NPAS3: variants seen among roughly 807,000 people sequenced by gnomAD.
NPAS3 encodes neuronal PAS domain protein 3, also known as neuronal PAS domain-containing protein 3.
NPAS3 carries 14 observed loss-of-function variants against 73.1 expected under a neutral mutation model. The ratio of observed to expected loss-of-function variants is 0.19; its 90% CI spans 0.13 to 0.30. The LOEUF (loss-of-function observed/expected upper bound fraction) is 0.30. NPAS3 is among the 10% of genes least tolerant of loss of function. The pLI, the probability that NPAS3 is intolerant of heterozygous loss-of-function variation, is 1.00. For missense variants in NPAS3, 1,096 were observed against 1,250.0 expected (o/e 0.88, Z 1.86); for synonymous variants, 620 against 541.5 (o/e 1.14, Z -2.01).
chr14:33,634,603 G>C (rs114865648), intron 5 of NPAS3, among the ~76,000 whole-genome samples: 1,908 of 152,222 alleles, frequency 0.013, 43 homozygotes, highest in African/African-American at 0.043. Context: ...AATTATGAAG[G>C]CAGCAATTCC....
At chr14:33,736,992 C>T (rs1011250244) in intron 7 of NPAS3, among the ~76,000 whole-genome samples, 3 of 152,220 alleles carry the variant, frequency 2.0e-5, no homozygotes, top group African/African-American at 7.2e-5. Flanking sequence ...TGTGTTAGCC[C>T]TTACAACATT....
intron 5 of NPAS3, among the ~76,000 whole-genome samples, chr14:33,600,136 C>T (rs747840302): frequency 2.1e-4 from 32 of 152,208 alleles, no homozygotes; most frequent in Admixed American, 5.2e-4. Flanking sequence ...ATTAAAAGCT[C>T]GATTCTGAAT....
chr14:33,243,700 C>T (rs938716046), intron 3 of NPAS3, among the ~76,000 whole-genome samples: 43 of 151,854 alleles, frequency 2.8e-4, no homozygotes, highest in African/African-American at 9.2e-4. Context: ...AACAAAGATG[C>T]TACCTTTGGC....
At chr14:33,508,767 TA>T (rs1186770561) in intron 4 of NPAS3, among the ~76,000 whole-genome samples, 1 of 152,022 alleles carries the variant, frequency 6.6e-6, no homozygotes, top group Non-Finnish European at 1.5e-5. Flanking sequence ...CACAATTTCC[TA>T]GGCCTCCCTT....
chr14:33,525,069 G>A (rs1193287651), intron 4 of NPAS3, among the ~76,000 whole-genome samples: 1 of 152,124 alleles, frequency 6.6e-6, no homozygotes, highest in East Asian at 1.9e-4. Flanking sequence ...TTTAGCAAAT[G>A]ACTGACTAAT....
At position 33,249,549 on chromosome 14, in the gene NPAS3, A is replaced by C. The variant is rs1594506789; in HGVS notation, c.385+34123A>C. Among the ~76,000 whole-genome samples, 3 of 151,876 alleles carry C rather than the reference A, an allele frequency of 2.0e-5. No homozygotes were observed. The East Asian group carries it at 5.8e-4, about 29-fold the overall frequency. On this transcript the variant is annotated intron_variant, in intron 3 of 11. Transcript: ENST00000356141. ...CTGCCTCTGGGGCTGACCTCTATGC[A>C]CCTCTATTGTTTTGCTCTTTCAAGG...
intron 3 of NPAS3, among the ~76,000 whole-genome samples, chr14:33,239,786 A>G (rs1418495366): frequency 6.6e-6 from 1 of 151,962 alleles, no homozygotes; most frequent in African/African-American, 2.4e-5. Context: ...GCTCTCCAGC[A>G]TCAAAATGGA....
chr14:32,967,881 G>A (rs1263015599), intron 1 of NPAS3, among the ~76,000 whole-genome samples: 2 of 150,366 alleles, frequency 1.3e-5, no homozygotes, highest in African/African-American at 4.9e-5. Flanking sequence ...AGATATCATT[G>A]TGTATCATTG....
intron 5 of NPAS3, among the ~76,000 whole-genome samples, chr14:33,576,900 C>G (rs1389497563): frequency 2.6e-5 from 4 of 152,166 alleles, no homozygotes; most frequent in Non-Finnish European, 5.9e-5. Context: ...CCTTACATTG[C>G]CCCCTTTTGA....
At chr14:33,338,384 A>G (rs1566810324) in intron 3 of NPAS3, among the ~76,000 whole-genome samples, 1 of 152,176 alleles carries the variant, frequency 6.6e-6, no homozygotes, top group Non-Finnish European at 1.5e-5. Context: ...CCAAATCCAT[A>G]GAGATCGTTG....
At chr14:33,519,957 C>T (rs1335679141) in intron 4 of NPAS3, among the ~76,000 whole-genome samples, 2 of 152,030 alleles carry the variant, frequency 1.3e-5, no homozygotes, top group East Asian at 1.9e-4. Context: ...TCCAGACTGT[C>T]GGGGAGAATA....
intron 4 of NPAS3, among the ~76,000 whole-genome samples, chr14:33,503,718 GA>G (rs1304673909): frequency 1.3e-5 from 2 of 151,918 alleles, no homozygotes; most frequent in Non-Finnish European, 2.9e-5. Flanking sequence ...GATACTTGGG[GA>G]AAATCCAGCC....
At chr14:33,435,706 A>G (rs1055550629) in intron 4 of NPAS3, among the ~76,000 whole-genome samples, 2 of 152,114 alleles carry the variant, frequency 1.3e-5, no homozygotes, top group African/African-American at 4.8e-5. Flanking sequence ...AAGGGTGGAG[A>G]CAGACAAATG....
intron 7 of NPAS3, among the ~76,000 whole-genome samples, chr14:33,769,272 G>A (rs1032051842): frequency 6.6e-6 from 1 of 152,172 alleles, no homozygotes; most frequent in African/African-American, 2.4e-5. Context: ...CATCACTTAA[G>A]TGCCTAACTC....
intron 5 of NPAS3, among the ~76,000 whole-genome samples, chr14:33,590,541 C>T (rs1462484623): frequency 6.6e-6 from 1 of 152,094 alleles, no homozygotes; most frequent in Non-Finnish European, 1.5e-5. Context: ...ATGTGTTTTG[C>T]TCATCTAAGA....
At chr14:33,202,835 T>A (rs1386186750) in intron 2 of NPAS3, among the ~76,000 whole-genome samples, 1 of 152,196 alleles carries the variant, frequency 6.6e-6, no homozygotes, top group East Asian at 1.9e-4. Context: ...ATTTTCCCTT[T>A]TACTGGAAAA....
intron 3 of NPAS3, among the ~76,000 whole-genome samples, chr14:33,330,448 T>C (rs1453897324): frequency 6.6e-6 from 1 of 152,080 alleles, no homozygotes; most frequent in East Asian, 1.9e-4. Context: ...TTAAGTGAGA[T>C]AACGTCAAGC....
intron 5 of NPAS3, among the ~76,000 whole-genome samples, chr14:33,613,778 A>G (rs928660219): frequency 6.6e-6 from 1 of 151,430 alleles, no homozygotes; most frequent in African/African-American, 2.4e-5. Context: ...ACAACTTCCA[A>G]TTAAATGTAT....
At chr14:33,480,993 C>T (rs980709066) in intron 4 of NPAS3, among the ~76,000 whole-genome samples, 1 of 151,960 alleles carries the variant, frequency 6.6e-6, no homozygotes, top group African/African-American at 2.4e-5. Flanking sequence ...CCATCTAGAG[C>T]CTCATGCGTC....
Sources: gnomAD v4.1 joint callset for allele counts (sites outside exome capture counted in the v4.1 genomes callset) on GRCh38, gnomAD v4.1.1 for gene constraint, MANE v1.5 for transcripts, NCBI Gene and HGNC (gene_info 2026-07-23, HGNC 2026-07-21) for gene names.